MTPAP: variants seen among roughly 807,000 people sequenced by gnomAD.
The protein encoded by MTPAP is poly(A) RNA polymerase, mitochondrial.
MTPAP carries 23 observed loss-of-function variants against 48.7 expected under a neutral mutation model. That is an observed-to-expected ratio of 0.47 (90% CI 0.34 to 0.67). The LOEUF (loss-of-function observed/expected upper bound fraction) is 0.67. MTPAP is among the 30% of genes least tolerant of loss of function. The pLI is 0.01. For synonymous variants in MTPAP, 257 were observed against 254.1 expected (o/e 1.01, Z -0.11); for missense variants, 614 against 694.3 (o/e 0.88, Z 1.30).
In MTPAP at chr10:30,316,344, G is replaced by A. The variant is rs1014640393; in HGVS notation, c.1220-134C>T. On this transcript the variant is annotated intron_variant, in intron 6 of 8. Coordinates refer to ENST00000263063, the MANE Select transcript of MTPAP (RefSeq NM_018109.4). ...TGCAGCCTCCACCTCCCAGGTTCCA[G>A]CAATTCTCCTGCCTCAGCCTCCCGG... 17 of 716,556 alleles carry A rather than the reference G, an allele frequency of 2.4e-5. No individual in the cohort carries two copies. In the Admixed American group the frequency reaches 2.9e-4, roughly 12 times the overall value. The allele number at this position is 716,556 out of a possible 1,614,324, so 44.4% of individuals were successfully genotyped here.
intron 6 of MTPAP, among the ~76,000 whole-genome samples, chr10:30,321,415 C>T (rs1840723601): frequency 6.6e-6 from 1 of 152,010 alleles, no homozygotes; most frequent in South Asian, 2.1e-4. Context: ...ACAGTGTTAA[C>T]AGGAAGAGAT....
rs143020508 is a variant in MTPAP at position 30,329,716 on chromosome 10, G to A, written c.781-3081C>T. ...CTAATATATAGTTGGCAATAAAGAG[G>A]GGAAAAGTTACCTAGTGGTCCAGTG... On this transcript the variant is annotated intron_variant, in intron 4 of 8. Transcript: ENST00000263063. Among the ~76,000 whole-genome samples, 90 of 152,194 alleles carry A rather than the reference G, an allele frequency of 5.9e-4. 2 individuals are homozygous for A. The East Asian group carries it at 0.013, about 22-fold the overall frequency.
At position 30,311,433 on chromosome 10, in the gene MTPAP, G is replaced by A. The variant is rs938028616; in HGVS notation, c.*2176C>T. The A allele has an allele frequency of 6.6e-6, 1 of 152,122 alleles. No individual in the cohort carries two copies. The highest frequency in any genetic ancestry group is 2.4e-5 in the African/African-American group (1 of 41,420). 9.4% of individuals were successfully genotyped at this position (152,122 alleles called of 1,614,324 possible). A position where few individuals can be genotyped will look rare whatever the true frequency, so the allele number is the denominator to read the frequency against. On this transcript the variant is annotated 3_prime_UTR_variant, in exon 9 of 9. Coordinates refer to ENST00000263063, the MANE Select transcript of MTPAP (RefSeq NM_018109.4). ...ACTACAAACTCTAAATCTGAATTTT[G>A]AGTAGCAAAAAAGGTAATTACATAC... is the stretch of plus-strand genomic sequence containing the variant.
At chr10:30,344,018 C>T (rs1834842268) in intron 1 of MTPAP, among the ~76,000 whole-genome samples, 1 of 152,190 alleles carries the variant, frequency 6.6e-6, no homozygotes. Flanking sequence ...AGCTATCCTC[C>T]ACATAACTGC....
At chr10:30,320,440 T>C (rs2132848440) in intron 6 of MTPAP, among the ~76,000 whole-genome samples, 1 of 152,248 alleles carries the variant, frequency 6.6e-6, no homozygotes, top group East Asian at 1.9e-4. Context: ...TGAGATTACG[T>C]GAGCCCGGGA....
rs192311997 is a variant in MTPAP, at chr10:30,343,617, G to A, written c.158-1977C>T. Reference sequence around the variant, plus strand: ...AGGTCTCCCTCTGTCACCCAGGCTGGAGTGCAGTGGCACAACCCCAGCTCA... The same window carrying A: ...AGGTCTCCCTCTGTCACCCAGGCTGAAGTGCAGTGGCACAACCCCAGCTCA... On this transcript the variant is annotated intron_variant, in intron 1 of 8. Coordinates refer to ENST00000263063, the MANE Select transcript of MTPAP (RefSeq NM_018109.4). 5.2e-3 allele frequency among the ~76,000 whole-genome samples: 789 copies of A among 151,440 alleles called. 11 individuals carry two copies. Among genetic ancestry groups the A allele is most frequent in the Non-Finnish European group, 4.9e-3 (329 of 67,820 alleles).
At position 30,335,136 on chromosome 10, in the gene MTPAP, A is replaced by T. The variant is rs112913558; in HGVS notation, c.780+1667T>A. On this transcript the variant is annotated intron_variant, in intron 4 of 8. Transcript: ENST00000263063. ...ATCCACATAAAGTCTGATGTTCACTACTAGTTTGAAAGATGTAAGGAAAGA... is the reference window on the plus strand; with the variant it reads ...ATCCACATAAAGTCTGATGTTCACTTCTAGTTTGAAAGATGTAAGGAAAGA... Among the ~76,000 whole-genome samples, 479 of 152,328 alleles carry T rather than the reference A, an allele frequency of 3.1e-3. 1 individual carries two copies. Among genetic ancestry groups the T allele is most frequent in the African/African-American group, 0.011 (453 of 41,564 alleles).
At chr10:30,339,920 A>G (rs2132867374) in intron 3 of MTPAP, 1 of 390,206 alleles carries the variant, frequency 2.6e-6, no homozygotes, top group East Asian at 5.6e-5. Context: ...AGAAAAAGAC[A>G]TTAGGAACCA....
chr10:30,347,486 G>C (rs2132874059), intron 1 of MTPAP, among the ~76,000 whole-genome samples: 1 of 152,314 alleles, frequency 6.6e-6, no homozygotes, highest in East Asian at 1.9e-4. Flanking sequence ...TTTCCTGCAA[G>C]AATCCCTGAA....
intron 8 of MTPAP, among the ~76,000 whole-genome samples, chr10:30,314,884 CAAAAAAAAAAAAA>C: frequency 1.8e-5 from 2 of 110,752 alleles, no homozygotes; most frequent in East Asian, 5.3e-4. Context: ...AAAACAAAAA[CAAAAAAAAAAAAA>C]AAAAAAAAGA....
At chr10:30,343,564 C>CT (rs1268403647) in intron 1 of MTPAP, among the ~76,000 whole-genome samples, 19 of 151,778 alleles carry the variant, frequency 1.3e-4, no homozygotes, top group Non-Finnish European at 2.9e-5. Context: ...ATCTTACTAT[C>CT]TTTTTTCTTT....
chr10:30,339,599 A>C (rs771820930), intron 3 of MTPAP, among the ~76,000 whole-genome samples: 1 of 152,222 alleles, frequency 6.6e-6, no homozygotes, highest in Non-Finnish European at 1.5e-5. Context: ...TAAACTGTTC[A>C]AAAGGCCGAA....
Position 30,313,750 on chromosome 10 carries a change from T to C in MTPAP, c.1608A>G (p.Pro536=), listed in dbSNP as rs1834480385. The C allele has an allele frequency of 6.2e-7, 1 of 1,614,224 alleles. No homozygotes were observed. Among genetic ancestry groups the C allele is most frequent in the Non-Finnish European group, 8.5e-7 (1 of 1,180,014 alleles). The change falls in exon 9 of 9, where the codon CCA becomes CCG. Residue 536 remains proline, a synonymous_variant. Coordinates refer to ENST00000263063, the MANE Select transcript of MTPAP (RefSeq NM_018109.4). ...TCTTCTTGGTAAAGGACTTTCTGTT[T>C]GGAGCAGATGGTAGCAATAGGGATA... ...GLVSLLLPSA[P]NRKSFTKKKS...
intron 6 of MTPAP, among the ~76,000 whole-genome samples, chr10:30,320,265 C>T (rs574867150): frequency 1.3e-5 from 2 of 151,792 alleles, no homozygotes; most frequent in East Asian, 2.0e-4. Flanking sequence ...CAGTGGCTCA[C>T]GCCTGTAATC....
rs753292856 is a variant in MTPAP, at chr10:30,316,196, A to G, written c.1234T>C (p.Cys412Arg). 6.2e-7 allele frequency: 1 copy of G among 1,613,192 alleles called. No individual in the cohort carries two copies. The highest frequency in any genetic ancestry group is 8.5e-7 in the Non-Finnish European group (1 of 1,179,614). ...LKTLADAEDK[C>R]VIEGNNCTFV... is the part of the protein sequence containing the mutation. ...GTGCAGTTGTTGCCTTCTATTACAC[A>G]TTTATCTTCTGCATCTTAAACACAA... Residue 412 changes from cysteine to arginine, a missense_variant, in exon 7 of 9, where the codon TGT becomes CGT. By Grantham distance (180) the Cys-to-Arg change is radical. Coordinates refer to ENST00000263063, the MANE Select transcript of MTPAP (RefSeq NM_018109.4).
intron 4 of MTPAP, among the ~76,000 whole-genome samples, chr10:30,329,435 T>C (rs1413019708): frequency 6.6e-6 from 1 of 152,040 alleles, no homozygotes; most frequent in Non-Finnish European, 1.5e-5. Flanking sequence ...CCCCAGCCTA[T>C]GTTGCCCAGG....
intron 4 of MTPAP, among the ~76,000 whole-genome samples, chr10:30,336,544 A>G (rs923460751): frequency 2.6e-5 from 4 of 152,214 alleles, no homozygotes; most frequent in African/African-American, 9.6e-5. Context: ...ACTTTGACTT[A>G]ACTGAAAAAT....
chr10:30,340,801 TCCAGCTA>T (rs1834795303), intron 2 of MTPAP, among the ~76,000 whole-genome samples: 2 of 151,860 alleles, frequency 1.3e-5, no homozygotes, highest in Non-Finnish European at 2.9e-5. Context: ...TGTCTGTAAG[TCCAGCTA>T]CTTGGAAGGC....
chr10:30,343,721 C>T (rs1369457056), intron 1 of MTPAP, among the ~76,000 whole-genome samples: 1 of 152,140 alleles, frequency 6.6e-6, no homozygotes, highest in African/African-American at 2.4e-5. Flanking sequence ...GCGTGCGCCA[C>T]CACGCCCAGC....
Sources: gnomAD v4.1 joint callset for allele counts (sites outside exome capture counted in the v4.1 genomes callset) on GRCh38, gnomAD v4.1.1 for gene constraint, MANE v1.5 for transcripts, NCBI Gene and HGNC (gene_info 2026-07-23, HGNC 2026-07-21) for gene names.